Variants in SVOPL observed in about 807,000 individuals in gnomAD.
The protein encoded by SVOPL is putative transporter SVOPL.
SVOPL carries 60 observed loss-of-function variants against 61.0 expected under a neutral mutation model. That is an observed-to-expected ratio of 0.98 (90% CI 0.80 to 1.22). SVOPL has a LOEUF of 1.22. Ranked by LOEUF, SVOPL falls within the 50% of genes most tolerant of loss-of-function variation. The pLI, the probability that SVOPL is intolerant of heterozygous loss-of-function variation, is 0.00. For missense variants in SVOPL, 662 were observed against 643.9 expected (o/e 1.03, Z -0.30); for synonymous variants, 279 against 250.0 (o/e 1.12, Z -1.09).
intron 14 of SVOPL, among the ~76,000 whole-genome samples, chr7:138,603,327 T>C (rs1798609170): frequency 1.3e-5 from 2 of 152,180 alleles, no homozygotes; most frequent in African/African-American, 4.8e-5. Context: ...TTCCTCACAT[T>C]GTTGATGTAC....
chr7:138,675,782 A>G (rs1802545234), intron 3 of SVOPL, among the ~76,000 whole-genome samples: 1 of 151,896 alleles, frequency 6.6e-6, no homozygotes, highest in Non-Finnish European at 1.5e-5. Context: ...TGGACCCCAT[A>G]TCTTTGATTT....
At chr7:138,688,869 C>T in intron 1 of SVOPL, 1 of 390,568 alleles carries the variant, frequency 2.6e-6, no homozygotes, top group Non-Finnish European at 4.9e-6. Context: ...GACCTAACCT[C>T]TAGTACCTCA....
At position 138,652,466 on chromosome 7, in the gene SVOPL, A is replaced by G. The variant is rs117602849; in HGVS notation, c.535-3329T>C. On this transcript the variant is annotated intron_variant, in intron 7 of 15. Transcript: ENST00000674285. ...CCTCCAAAGCACTGGGATCACAGGC[A>G]TAAGCTGCCACACCCAGCCACATCT... Among the ~76,000 whole-genome samples the G allele has an allele frequency of 2.4e-3, 369 of 151,562 alleles. 10 individuals carry two copies. In the East Asian group the frequency reaches 0.062, roughly 26 times the overall value.
At chr7:138,615,985 T>A (rs1024814681) in intron 14 of SVOPL, among the ~76,000 whole-genome samples, 19 of 146,378 alleles carry the variant, frequency 1.3e-4, no homozygotes, top group Middle Eastern at 3.7e-3. Flanking sequence ...AGGAAAAAAA[T>A]TTTTAAATAA....
chr7:138,623,863 G>A (rs762017470), intron 13 of SVOPL, among the ~76,000 whole-genome samples: 8 of 151,604 alleles, frequency 5.3e-5, no homozygotes, highest in African/African-American at 9.7e-5. Flanking sequence ...CTCTGTCACC[G>A]GGCTGCAGTG....
intron 8 of SVOPL, among the ~76,000 whole-genome samples, chr7:138,646,743 T>C (rs1801134732): frequency 6.6e-6 from 1 of 152,108 alleles, no homozygotes; most frequent in Non-Finnish European, 1.5e-5. Flanking sequence ...GGTCTTGAAC[T>C]CCTGGGCTCA....
At chr7:138,642,020 T>C (rs1340891896) in intron 9 of SVOPL, among the ~76,000 whole-genome samples, 1 of 150,740 alleles carries the variant, frequency 6.6e-6, no homozygotes, top group Non-Finnish European at 1.5e-5. Context: ...GAAGTCCCTA[T>C]ATAGAGGACA....
chr7:138,679,130 T>A, intron 1 of SVOPL, 51 bp from the exon 2 acceptor site: 1 of 1,284,186 alleles, frequency 7.8e-7, no homozygotes, highest in Non-Finnish European at 1.1e-6. Context: ...GGTTATTGGA[T>A]AGTTAGTATA....
intron 10 of SVOPL, among the ~76,000 whole-genome samples, chr7:138,629,415 T>G (rs943213986): frequency 1.3e-5 from 2 of 152,118 alleles, no homozygotes. Flanking sequence ...GTATTTTTAG[T>G]GGAAACAGGG....
intron 14 of SVOPL, among the ~76,000 whole-genome samples, chr7:138,606,473 T>A (rs1049893252): frequency 6.6e-6 from 1 of 152,172 alleles, no homozygotes. Flanking sequence ...GCTGTGGGTA[T>A]GTCTCAGGCA....
At chr7:138,652,013 T>C (rs2117035811) in intron 7 of SVOPL, among the ~76,000 whole-genome samples, 1 of 151,712 alleles carries the variant, frequency 6.6e-6, no homozygotes, top group East Asian at 1.9e-4. Flanking sequence ...GATCCTCCCA[T>C]CTCAGCCTGT....
chr7:138,670,569 C>T (rs1039156097), intron 4 of SVOPL, among the ~76,000 whole-genome samples: 3 of 152,184 alleles, frequency 2.0e-5, no homozygotes, highest in African/African-American at 7.2e-5. Flanking sequence ...ACTATGATTG[C>T]ATCTCCAACC....
chr7:138,656,325 A>G, intron 7 of SVOPL, 123 bp downstream of exon 7: 1 of 963,366 alleles, frequency 1.0e-6, no homozygotes, highest in South Asian at 1.5e-5. Flanking sequence ...GACTCACTTT[A>G]TTCTGATACT....
intron 14 of SVOPL, chr7:138,597,336 T>A: frequency 1.3e-6 from 1 of 793,042 alleles, no homozygotes. Context: ...CAGATGAGCC[T>A]AGACTAAGTG....
intron 1 of SVOPL, among the ~76,000 whole-genome samples, chr7:138,688,601 G>A (rs1351464585): frequency 6.6e-6 from 1 of 152,134 alleles, no homozygotes; most frequent in Non-Finnish European, 1.5e-5. Context: ...TAGGCAGTAT[G>A]TTTCTCATAC....
intron 14 of SVOPL, among the ~76,000 whole-genome samples, chr7:138,618,102 A>G (rs558685261): frequency 2.0e-5 from 3 of 152,274 alleles, no homozygotes; most frequent in East Asian, 1.9e-4. Context: ...AACCTCCCCA[A>G]TCTAAACCTG....
chr7:138,605,243 G>A (rs567166653), intron 14 of SVOPL, among the ~76,000 whole-genome samples: 29 of 149,996 alleles, frequency 1.9e-4, no homozygotes, highest in African/African-American at 4.7e-4. Context: ...GAGAAGAAAC[G>A]GAGAATGACC....
intron 14 of SVOPL, among the ~76,000 whole-genome samples, chr7:138,608,682 G>A (rs1286312838): frequency 6.6e-6 from 1 of 151,498 alleles, no homozygotes; most frequent in African/African-American, 2.4e-5. Context: ...TCAATCAAAA[G>A]TGTACACTCC....
intron 10 of SVOPL, 101 bp from the exon 11 acceptor site, chr7:138,628,464 A>G (rs1030765869): frequency 8.1e-6 from 10 of 1,227,648 alleles, no homozygotes; most frequent in Non-Finnish European, 9.1e-6. Flanking sequence ...GTGGAAAGCA[A>G]AGAGAGCAGA....
Sources: gnomAD v4.1 joint callset for allele counts (sites outside exome capture counted in the v4.1 genomes callset) on GRCh38, gnomAD v4.1.1 for gene constraint, MANE v1.5 for transcripts, NCBI Gene and HGNC (gene_info 2026-07-23, HGNC 2026-07-21) for gene names.